Variants in ILDR2 observed in about 807,000 individuals in gnomAD.
ILDR2 encodes the protein immunoglobulin-like domain-containing receptor 2.
Under a neutral mutation model 66.8 loss-of-function variants are expected in ILDR2, and 25 were observed. That is an observed-to-expected ratio of 0.37 (90% CI 0.27 to 0.52). The LOEUF is 0.52. Ranked by LOEUF, ILDR2 falls within the 20% of genes least tolerant of loss-of-function variation. The pLI, the probability that ILDR2 is intolerant of heterozygous loss-of-function variation, is 0.88. For missense variants in ILDR2, 827 were observed against 876.8 expected, an observed-to-expected ratio of 0.94 and a Z score of 0.72; for synonymous variants, 367 against 357.2, an observed-to-expected ratio of 1.03 and a Z score of -0.31.
Position 166,921,457 on chromosome 1 carries a change from G to T in ILDR2, c.1212-78C>A, listed in dbSNP as rs1342915943. ...GGTAGGGCTCCCAAGAGCACCCATCGTGTCCTGGGGCCACGCTCAGGAGAC... is the reference window on the plus strand; with the variant it reads ...GGTAGGGCTCCCAAGAGCACCCATCTTGTCCTGGGGCCACGCTCAGGAGAC... On this transcript the variant is annotated intron_variant, in intron 8 of 9. Transcript: ENST00000271417. The surrounding 1 kb of genome is among the most constrained non-coding windows in gnomAD (Gnocchi z 5.3). 8 of 1,246,006 alleles carry T rather than the reference G, an allele frequency of 6.4e-6. No homozygotes were observed. The highest frequency in any genetic ancestry group is 8.7e-6 in the Non-Finnish European group (8 of 915,082). The allele number at this position is 1,246,006 out of a possible 1,614,324, so 77.2% of individuals were successfully genotyped here.
intron 5 of ILDR2, 57 bp from the exon 6 acceptor site, chr1:166,935,534 CA>C: frequency 6.8e-6 from 10 of 1,465,006 alleles, no homozygotes; most frequent in Non-Finnish European, 9.1e-6. Flanking sequence ...CCACAACCCT[CA>C]CACCAAAAAT....
chr1:166,927,291 T>C (rs1286796928), intron 6 of ILDR2, 111 bp from the exon 7 acceptor site: 1 of 686,290 alleles, frequency 1.5e-6, no homozygotes, highest in Non-Finnish European at 2.5e-6. Context: ...AACAACTCTT[T>C]TTGAAATCAC....
intron 3 of ILDR2, among the ~76,000 whole-genome samples, chr1:166,953,640 C>A (rs1430081635): frequency 6.6e-6 from 1 of 152,136 alleles, no homozygotes; most frequent in Non-Finnish European, 1.5e-5. Flanking sequence ...CTTCTGGGTT[C>A]CTTGTGAATG....
chr1:166,918,623 G>C lies in ILDR2; in HGVS notation c.*732C>G, dbSNP rs1386369836. ...CCTTAATGTCTAAGACTCCGATATT[G>C]ACATGTGCAGCAGAAAAGGAAAAAG... On this transcript the variant is annotated 3_prime_UTR_variant, in exon 10 of 10. Coordinates refer to ENST00000271417, the MANE Select transcript of ILDR2 (RefSeq NM_199351.3). The C allele has an allele frequency of 6.6e-6, 1 of 152,206 alleles. No homozygotes were observed. 9.4% of individuals were successfully genotyped at this position (152,206 alleles called of 1,614,324 possible). A position where few individuals can be genotyped will look rare whatever the true frequency, so the allele number is the denominator to read the frequency against.
chr1:166,896,279 G>A (rs1332887634), intron 2 of ILDR2, among the ~76,000 whole-genome samples: 1 of 152,218 alleles, frequency 6.6e-6, no homozygotes, highest in Non-Finnish European at 1.5e-5. Context: ...AGGAAGAGCA[G>A]ATGGTTTGGT....
In ILDR2 at chr1:166,917,832, G is replaced by C. The variant is rs529592081; in HGVS notation, c.*1523C>G. 1 of 152,330 alleles carries C rather than the reference G, an allele frequency of 6.6e-6. No individual in the cohort carries two copies. The highest frequency in any genetic ancestry group is 1.9e-4 in the East Asian group (1 of 5,178). The allele number at this position is 152,330 out of a possible 1,614,324, so 9.4% of individuals were successfully genotyped here. A position where few individuals can be genotyped will look rare whatever the true frequency, so the allele number is the denominator to read the frequency against. On this transcript the variant is annotated 3_prime_UTR_variant, in exon 10 of 10. Transcript: ENST00000271417. ...CTGGAAGTTGACGGGCTGTCAGATAGGGTGACAAGGGTAACTGGGCCCTTT... is the reference window on the plus strand; with the variant it reads ...CTGGAAGTTGACGGGCTGTCAGATACGGTGACAAGGGTAACTGGGCCCTTT...
downstream of ILDR2, among the ~76,000 whole-genome samples, chr1:166,904,838 G>A (rs527578763): frequency 8.5e-5 from 13 of 152,230 alleles, no homozygotes; most frequent in African/African-American, 1.7e-4. Context: ...CCCAGACGCC[G>A]TTCTCTGGAG....
At chr1:166,960,255 C>T (rs1662531823) in intron 1 of ILDR2, among the ~76,000 whole-genome samples, 1 of 152,076 alleles carries the variant, frequency 6.6e-6, no homozygotes, top group Non-Finnish European at 1.5e-5. Context: ...GCATTTTGGA[C>T]CTACCCTGTG....
chr1:166,961,339 C>T (rs548131730), intron 1 of ILDR2, among the ~76,000 whole-genome samples: 11 of 152,252 alleles, frequency 7.2e-5, no homozygotes, highest in Admixed American at 5.9e-4. Context: ...ATGAGATTAG[C>T]CACTTGAGCA....
At chr1:166,959,472 G>A (rs901990220) in intron 1 of ILDR2, among the ~76,000 whole-genome samples, 4 of 152,202 alleles carry the variant, frequency 2.6e-5, no homozygotes, top group Non-Finnish European at 4.4e-5. Flanking sequence ...CAGCAAAGGG[G>A]ACAGAGATGA....
downstream of ILDR2, among the ~76,000 whole-genome samples, chr1:166,906,899 G>A (rs1184673213): frequency 3.3e-5 from 5 of 152,198 alleles, no homozygotes; most frequent in African/African-American, 9.7e-5. Flanking sequence ...GTTTCGCCTG[G>A]ACCTAGGGGG....
chr1:166,939,660 A>G (rs1459555990), intron 3 of ILDR2, 90 bp from the exon 4 acceptor site: 1 of 1,032,320 alleles, frequency 9.7e-7, no homozygotes, highest in Non-Finnish European at 1.5e-6. Context: ...TACCATCCAC[A>G]CGTGCGGCCA....
rs148315166 is a variant in ILDR2 at position 166,940,565 on chromosome 1, C to A, written c.500-995G>T. ...AATTCTACTTCATTTAGGTACCTGACATATACCTCTAGAACAGCACCAGCC... is the reference window on the plus strand; with the variant it reads ...AATTCTACTTCATTTAGGTACCTGAAATATACCTCTAGAACAGCACCAGCC... On this transcript the variant is annotated intron_variant, in intron 3 of 9. Coordinates refer to ENST00000271417, the MANE Select transcript of ILDR2 (RefSeq NM_199351.3). Among the ~76,000 whole-genome samples the A allele has an allele frequency of 6.1e-4, 93 of 152,260 alleles. 1 individual carries two copies. The highest frequency in any genetic ancestry group is 6.0e-3 in the Admixed American group (92 of 15,298).
chr1:166,905,464 G>A (rs72705597), downstream of ILDR2, among the ~76,000 whole-genome samples: 1,229 of 152,332 alleles, frequency 8.1e-3, 9 homozygotes, highest in Admixed American at 0.013. Flanking sequence ...TAGACTAAAT[G>A]AAACTGAGGC....
intron 3 of ILDR2, among the ~76,000 whole-genome samples, chr1:166,944,765 C>T (rs1661516055): frequency 6.6e-6 from 1 of 152,196 alleles, no homozygotes; most frequent in African/African-American, 2.4e-5. Context: ...TGACACAGCC[C>T]TGTAAGAATG....
chr1:166,941,689 A>G (rs1661320136), intron 3 of ILDR2, among the ~76,000 whole-genome samples: 1 of 152,158 alleles, frequency 6.6e-6, no homozygotes, highest in South Asian at 2.1e-4. Flanking sequence ...AATCTGCATA[A>G]TTAGCACTTG....
chr1:166,946,023 C>A (rs907184170), intron 3 of ILDR2, among the ~76,000 whole-genome samples: 1 of 152,210 alleles, frequency 6.6e-6, no homozygotes, highest in Non-Finnish European at 1.5e-5. Flanking sequence ...ACCCCCTGTT[C>A]TGTCATCTCC....
At position 166,919,027 on chromosome 1, in the gene ILDR2, ACT is replaced by A. The variant is rs1236055927; in HGVS notation, c.*326_*327del. 6 of 441,158 alleles carry A rather than the reference ACT, an allele frequency of 1.4e-5. No homozygotes were observed. Among genetic ancestry groups the A allele is most frequent in the Admixed American group, 3.8e-5 (1 of 26,076 alleles). 27.3% of individuals were successfully genotyped at this position (441,158 alleles called of 1,614,324 possible). On this transcript the variant is annotated 3_prime_UTR_variant, in exon 10 of 10. Coordinates refer to ENST00000271417, the MANE Select transcript of ILDR2 (RefSeq NM_199351.3). The stretch of plus-strand genomic sequence containing the variant: ...TCTGGAGTTTAGCAGTCCAGAGCTA[ACT>A]CTCTTTCAGAATTGCAAATGGAGTC...
intron 4 of ILDR2, among the ~76,000 whole-genome samples, chr1:166,939,079 GA>G (rs887283881): frequency 1.3e-5 from 2 of 151,804 alleles, no homozygotes; most frequent in Admixed American, 6.6e-5. Context: ...CCTAAGGTTT[GA>G]AAAAAAAGTT....
Sources: allele counts gnomAD v4.1 joint callset (sites outside exome capture counted in the v4.1 genomes callset), GRCh38; gene constraint gnomAD v4.1.1; non-coding constraint Gnocchi (gnomAD v3.1); transcripts MANE v1.5; gene names NCBI Gene and HGNC (gene_info 2026-07-23, HGNC 2026-07-21).